Variants in WWOX observed in about 807,000 individuals in gnomAD.
The protein encoded by WWOX is WW domain containing oxidoreductase.
In WWOX, 69 loss-of-function variants were observed where a neutral mutation model predicts 46.2. The ratio of observed to expected loss-of-function variants is 1.49; its 90% CI spans 1.23 to 1.82. The LOEUF is 1.82. WWOX is among the 40% of genes most tolerant of loss of function. WWOX has a pLI of 0.00. For missense variants in WWOX, 919 were observed against 542.6 expected (o/e 1.69, Z -6.89); for synonymous variants, 359 against 202.6 (o/e 1.77, Z -6.56).
intron 5 of WWOX, among the ~76,000 whole-genome samples, chr16:78,281,731 G>A (rs181241801): frequency 3.3e-4 from 50 of 151,054 alleles, no homozygotes; most frequent in Non-Finnish European, 6.3e-4. Context: ...TTTCCCCCCC[G>A]CCCCCAACCA....
At chr16:78,216,528 T>G (rs891812259) in intron 5 of WWOX, among the ~76,000 whole-genome samples, 1 of 31,828 alleles carries the variant, frequency 3.1e-5, no homozygotes, top group Admixed American at 4.6e-4. Flanking sequence ...AGGTCGTTCC[T>G]TGGCCTTTTC....
intron 5 of WWOX, among the ~76,000 whole-genome samples, chr16:78,196,378 C>A (rs2036052611): frequency 6.6e-6 from 1 of 152,126 alleles, no homozygotes; most frequent in South Asian, 2.1e-4. Context: ...TATAAAAGAA[C>A]CCCTAAAGAG....
intron 5 of WWOX, among the ~76,000 whole-genome samples, chr16:78,332,533 T>A (rs2080784422): frequency 6.6e-6 from 1 of 152,196 alleles, no homozygotes; most frequent in Non-Finnish European, 1.5e-5. Context: ...GAAAGGCTTA[T>A]TCCATTTGCT....
At chr16:78,665,641 G>A (rs1339479135) in intron 8 of WWOX, among the ~76,000 whole-genome samples, 2 of 152,100 alleles carry the variant, frequency 1.3e-5, no homozygotes, top group East Asian at 3.9e-4. Context: ...TAGGACAAAA[G>A]CAAGAATCCT....
intron 8 of WWOX, among the ~76,000 whole-genome samples, chr16:78,683,718 A>T (rs1412128830): frequency 6.6e-6 from 1 of 152,060 alleles, no homozygotes; most frequent in Non-Finnish European, 1.5e-5. Flanking sequence ...TTTCAATACC[A>T]TTGATAAGTT....
chr16:78,827,770 G>A (rs989078889), intron 8 of WWOX, among the ~76,000 whole-genome samples: 6 of 152,182 alleles, frequency 3.9e-5, no homozygotes, highest in Non-Finnish European at 8.8e-5. Flanking sequence ...GAATCTGGGA[G>A]GCAGCGGTTG....
At chr16:78,393,264 G>C (rs1249235014) in intron 6 of WWOX, among the ~76,000 whole-genome samples, 3 of 152,188 alleles carry the variant, frequency 2.0e-5, no homozygotes, top group African/African-American at 4.8e-5. Context: ...CTTCCTAGCA[G>C]TAGCTGCTTA....
chr16:79,119,107 G>T (rs2049575709), intron 8 of WWOX, among the ~76,000 whole-genome samples: 1 of 152,018 alleles, frequency 6.6e-6, no homozygotes, highest in Admixed American at 6.6e-5. Flanking sequence ...TTGCCAAATT[G>T]CTCTCCAAAA....
chr16:78,830,197 G>A (rs2051778141), intron 8 of WWOX, among the ~76,000 whole-genome samples: 1 of 152,114 alleles, frequency 6.6e-6, no homozygotes, highest in Non-Finnish European at 1.5e-5. Flanking sequence ...GGAGGGAGAG[G>A]ATGAAGGAAA....
intron 8 of WWOX, among the ~76,000 whole-genome samples, chr16:78,591,823 AAAG>A (rs2045359200): frequency 6.6e-6 from 1 of 152,188 alleles, no homozygotes; most frequent in South Asian, 2.1e-4. Context: ...GACAAAACTC[AAAG>A]AAGATGTAAC....
At chr16:78,312,029 C>G (rs911690993) in intron 5 of WWOX, among the ~76,000 whole-genome samples, 1 of 152,104 alleles carries the variant, frequency 6.6e-6, no homozygotes, top group Non-Finnish European at 1.5e-5. Context: ...GGCTCCTTTT[C>G]GGTCACCTTC....
intron 4 of WWOX, among the ~76,000 whole-genome samples, chr16:78,147,675 CTTTTTTTTTTTTT>C (rs33931881): frequency 3.3e-5 from 3 of 90,644 alleles, no homozygotes; most frequent in African/African-American, 1.4e-4. Context: ...TTCTTTCTTC[CTTTTTTTTTTTTT>C]TTTTTTTTAA....
chr16:78,624,157 T>C (rs879836430), intron 8 of WWOX, among the ~76,000 whole-genome samples: 1 of 152,208 alleles, frequency 6.6e-6, no homozygotes, highest in Non-Finnish European at 1.5e-5. Flanking sequence ...AAATTGGAAT[T>C]TTTGCTTTTG....
intron 8 of WWOX, among the ~76,000 whole-genome samples, chr16:79,045,921 C>A (rs1457223324): frequency 6.7e-6 from 1 of 150,000 alleles, no homozygotes; most frequent in Admixed American, 6.7e-5. Flanking sequence ...CCTGCCTCAG[C>A]CTCCCAAGTA....
intron 8 of WWOX, among the ~76,000 whole-genome samples, chr16:78,584,110 T>C (rs2045133183): frequency 6.6e-6 from 1 of 152,250 alleles, no homozygotes. Flanking sequence ...TCTTCCACAC[T>C]GGACTGTAAG....
At chr16:79,159,253 T>G (rs931353600) in intron 8 of WWOX, among the ~76,000 whole-genome samples, 1 of 152,228 alleles carries the variant, frequency 6.6e-6, no homozygotes, top group Non-Finnish European at 1.5e-5. Flanking sequence ...CACTCCCACC[T>G]AATCTCATTC....
At chr16:78,606,251 T>A (rs891321034) in intron 8 of WWOX, among the ~76,000 whole-genome samples, 8 of 152,234 alleles carry the variant, frequency 5.3e-5, no homozygotes, top group Non-Finnish European at 4.4e-5. Flanking sequence ...TTGTAGTCTC[T>A]TTTTTAATTT....
intron 8 of WWOX, among the ~76,000 whole-genome samples, chr16:78,839,887 C>T (rs75432712): frequency 0.028 from 4,230 of 152,230 alleles, 196 homozygotes; most frequent in African/African-American, 0.096. Context: ...CAGGAACTAG[C>T]GAAGCCTTCA....
intron 8 of WWOX, among the ~76,000 whole-genome samples, chr16:78,937,797 G>A (rs1487032910): frequency 6.6e-6 from 1 of 150,894 alleles, no homozygotes; most frequent in Admixed American, 6.6e-5. Context: ...GCTAACTTTT[G>A]TTTCTTTTTA....
Sources: allele counts gnomAD v4.1 joint callset (sites outside exome capture counted in the v4.1 genomes callset), GRCh38; gene constraint gnomAD v4.1.1; transcripts MANE v1.5; gene names NCBI Gene and HGNC (gene_info 2026-07-23, HGNC 2026-07-21).